Variants in TFRC observed in about 807,000 individuals in gnomAD.
The protein encoded by TFRC is transferrin receptor, also known as transferrin receptor protein 1.
In TFRC, 35 loss-of-function variants were observed where a neutral mutation model predicts 85.8. The ratio of observed to expected loss-of-function variants is 0.41; its 90% CI spans 0.31 to 0.54. The LOEUF (loss-of-function observed/expected upper bound fraction) is 0.54. Ranked by LOEUF, TFRC falls within the 20% of genes least tolerant of loss-of-function variation. The pLI, the probability that TFRC is intolerant of heterozygous loss-of-function variation, is 0.31. For missense variants in TFRC, 828 were observed against 921.5 expected (o/e 0.90, Z 1.31); for synonymous variants, 362 against 328.6 (o/e 1.10, Z -1.10).
At chr3:196,079,967 T>C (rs1399750629) in intron 1 of TFRC, among the ~76,000 whole-genome samples, 3 of 152,210 alleles carry the variant, frequency 2.0e-5, no homozygotes, top group Admixed American at 6.5e-5. Context: ...AACTACCTGA[T>C]AATGAGTAAA....
Position 196,069,436 on chromosome 3 carries a change from TATA to T in TFRC, c.801+16_801+18del. The stretch of plus-strand genomic sequence containing the variant: ...ATACCAAAAGTACTGTATTTAATAT[TATA>T]ATAACTCATACTCACCTTTTCTGCA... On this transcript the variant is annotated intron_variant, in intron 7 of 18. Transcript: ENST00000360110. The T allele has an allele frequency of 7.1e-7, 1 of 1,412,712 alleles. No homozygotes were observed. Among genetic ancestry groups the T allele is most frequent in the Non-Finnish European group, 9.9e-7 (1 of 1,005,328 alleles). 87.5% of individuals were successfully genotyped at this position (1,412,712 alleles called of 1,614,324 possible).
At chr3:196,066,591 G>A (rs527842157) in intron 9 of TFRC, among the ~76,000 whole-genome samples, 48 of 152,318 alleles carry the variant, frequency 3.2e-4, no homozygotes, top group African/African-American at 9.9e-4. Flanking sequence ...AAGATGGGAC[G>A]CTGGCTTCAC....
intron 17 of TFRC, among the ~76,000 whole-genome samples, chr3:196,054,066 G>A (rs572208832): frequency 6.6e-6 from 1 of 151,888 alleles, no homozygotes. Context: ...GTAAAACCCC[G>A]GCTCTACTAA....
rs1390241777 is a variant in TFRC, at chr3:196,077,115, A to C, written c.-16T>G. 1 of 1,612,488 alleles carries C rather than the reference A, an allele frequency of 6.2e-7. No homozygotes were observed. ...GATCCATCATTCTGAACTGCCACAC[A>C]GAAGAACCTAGGTATCAGAATAGAG... On this transcript the variant is annotated 5_prime_UTR_variant, in exon 2 of 19. Transcript: ENST00000360110.
At chr3:196,066,491 T>A (rs1184620702) in intron 9 of TFRC, among the ~76,000 whole-genome samples, 1 of 152,170 alleles carries the variant, frequency 6.6e-6, no homozygotes, top group Non-Finnish European at 1.5e-5. Flanking sequence ...ATCTAATTCC[T>A]CTGTGTTACC....
Position 196,082,050 on chromosome 3 carries a change from C to G in TFRC, c.-31G>C, listed in dbSNP as rs762809398. On this transcript the variant is annotated 5_prime_UTR_variant, in exon 1 of 19. Transcript: ENST00000360110. ...CTAGAAGCCCGCACTCACACTAGCGCGTCCTCCGTCCCGAGCCGCCACCCG... is the reference window on the plus strand; with the variant it reads ...CTAGAAGCCCGCACTCACACTAGCGGGTCCTCCGTCCCGAGCCGCCACCCG... 6.5e-6 allele frequency: 1 copy of G among 153,080 alleles called. No homozygotes were observed. The highest frequency in any genetic ancestry group is 2.4e-5 in the African/African-American group (1 of 41,596). 9.5% of individuals were successfully genotyped at this position (153,080 alleles called of 1,614,324 possible).
At chr3:196,073,838 A>G in intron 4 of TFRC, 92 bp downstream of exon 4, 3 of 1,332,288 alleles carry the variant, frequency 2.3e-6, no homozygotes, top group East Asian at 4.9e-5. Context: ...CTAACAAGCC[A>G]TTCCCCACAG....
At chr3:196,067,295 T>A (rs1186856700) in intron 9 of TFRC, among the ~76,000 whole-genome samples, 2 of 152,272 alleles carry the variant, frequency 1.3e-5, no homozygotes, top group East Asian at 1.9e-4. Context: ...ACTGGGTTTA[T>A]AAGTCTCCTT....
intron 2 of TFRC, 75 bp from the exon 3 acceptor site, chr3:196,075,435 G>A: frequency 7.1e-7 from 1 of 1,400,440 alleles, no homozygotes; most frequent in Non-Finnish European, 1.0e-6. Context: ...GTATATGCTT[G>A]TTATTGGGCC....
At position 196,069,477 on chromosome 3, in the gene TFRC, C is replaced by T; in HGVS notation, c.779G>A (p.Gly260Glu). The change falls in exon 7 of 19, where the codon GGG becomes GAG. Residue 260 changes from glycine (G) to glutamate (E), a missense_variant. Physicochemically the swap from Gly to Glu is moderately conservative, Grantham distance 98 (BLOSUM62 -2). Coordinates refer to ENST00000360110, the MANE Select transcript of TFRC (RefSeq NM_001128148.3). ...CACCTTTTCTGCAAAGGTGATTTTCCCTGCTCTGACAATCACTATAGATCC... is the reference window on the plus strand; with the variant it reads ...CACCTTTTCTGCAAAGGTGATTTTCTCTGCTCTGACAATCACTATAGATCC... ...VNGSIVIVRA[G>E]KITFAEKVAN... 1 of 1,611,092 alleles carries T rather than the reference C, an allele frequency of 6.2e-7. No individual in the cohort carries two copies. Among genetic ancestry groups the T allele is most frequent in the Non-Finnish European group, 8.5e-7 (1 of 1,178,012 alleles).
chr3:196,072,052 T>C lies in TFRC; in HGVS notation c.535A>G (p.Ser179Gly), dbSNP rs1718256362. The C allele has an allele frequency of 6.2e-7, 1 of 1,614,110 alleles. No individual in the cohort carries two copies. The highest frequency in any genetic ancestry group is 1.7e-5 in the Admixed American group (1 of 59,998). The change falls in exon 5 of 19, where the codon AGC becomes GGC. Residue 179 changes from serine to glycine, a missense_variant. Coordinates refer to ENST00000360110, the MANE Select transcript of TFRC (RefSeq NM_001128148.3). ...AAATGTTGATCACGCCAGACTTTGCTGAGTTTAAATTCACGAAATTGATTT... is the reference window on the plus strand; with the variant it reads ...AAATGTTGATCACGCCAGACTTTGCCGAGTTTAAATTCACGAAATTGATTT... ...VENQFREFKL[S>G]KVWRDQHFVK...
rs867056583 is a variant in TFRC at position 196,075,418 on chromosome 3, C to A, written c.37-58G>T. The A allele has an allele frequency of 2.6e-6, 4 of 1,552,350 alleles. No individual in the cohort carries two copies. The Admixed American group carries it at 6.7e-5, about 26-fold the overall frequency. ...GGCACGGGAATGTTTAGGAAAAGCT[C>A]GTTTAGGTATATGCTTGTTATTGGG... On this transcript the variant is annotated intron_variant, in intron 2 of 18. Transcript: ENST00000360110.
At chr3:196,064,232 G>A (rs916024090) in intron 11 of TFRC, 77 bp downstream of exon 11, 17 of 1,404,860 alleles carry the variant, frequency 1.2e-5, no homozygotes, top group Non-Finnish European at 1.5e-5. Flanking sequence ...TGCAGGCAAA[G>A]TGAGCAAAGC....
At chr3:196,074,393 G>A (rs1164784963) in intron 3 of TFRC, 5 of 274,256 alleles carry the variant, frequency 1.8e-5, no homozygotes, top group Admixed American at 5.2e-5. Context: ...CTGCTGCACC[G>A]CCAGTGTCCT....
chr3:196,068,218 G>T, intron 7 of TFRC, 88 bp from the exon 8 acceptor site: 1 of 824,162 alleles, frequency 1.2e-6, no homozygotes, highest in Non-Finnish European at 1.9e-6. Flanking sequence ...AAGGCCAAAT[G>T]GTTACAGAGG....
intron 10 of TFRC, 99 bp from the exon 11 acceptor site, chr3:196,064,527 G>A (rs1717555684): frequency 3.6e-6 from 4 of 1,117,580 alleles, no homozygotes; most frequent in Admixed American, 3.4e-5. Flanking sequence ...CACAGTATAT[G>A]TATTAAGGAT....
intron 10 of TFRC, among the ~76,000 whole-genome samples, 167 bp from the exon 11 acceptor site, chr3:196,064,595 A>G (rs1275969811): frequency 6.6e-6 from 1 of 152,246 alleles, no homozygotes; most frequent in East Asian, 1.9e-4. Flanking sequence ...TTCACATGAG[A>G]ATATTAATTT....
Position 196,071,397 on chromosome 3 carries a change from G to T in TFRC, c.686C>A (p.Thr229Asn), listed in dbSNP as rs1392319910. 2 of 1,613,334 alleles carry T rather than the reference G, an allele frequency of 1.2e-6. No homozygotes were observed. The highest frequency in any genetic ancestry group is 2.2e-5 in the East Asian group (1 of 44,866). Reference sequence around the variant, plus strand: ...CATGCACTGTTTTGCTTTACTTACAGTAACTGTTGCAGCCTTACTATACGC... The same window carrying T: ...CATGCACTGTTTTGCTTTACTTACATTAACTGTTGCAGCCTTACTATACGC... ...YVAYSKAATV[T>N]GKLVHANFGT... Residue 229 changes from threonine to asparagine, a missense_variant and splice_region_variant, in exon 6 of 19, where the codon ACT becomes AAT. Thr to Asn is a moderately conservative substitution (Grantham distance 65, BLOSUM62 0). Coordinates refer to ENST00000360110, the MANE Select transcript of TFRC (RefSeq NM_001128148.3).
chr3:196,072,114 C>T lies in TFRC; in HGVS notation c.473G>A (p.Gly158Glu). The part of the protein sequence containing the change: ...NENSYVPREA[G>E]SQKDENLALY... ...CGCAAGATTTTCATCTTTTTGAGAT[C>T]CAGCCTCACGAGGGACATATGAATT... is the stretch of plus-strand genomic sequence containing the variant. The change falls in exon 5 of 19, where the codon GGA becomes GAA. Residue 158 changes from glycine (G) to glutamate (E), a missense_variant. Physicochemically the swap from Gly to Glu is moderately conservative, Grantham distance 98. Transcript: ENST00000360110. The T allele has an allele frequency of 6.2e-7, 1 of 1,614,098 alleles. No homozygotes were observed. Among genetic ancestry groups the T allele is most frequent in the Non-Finnish European group, 8.5e-7 (1 of 1,180,020 alleles).
Sources: gnomAD v4.1 joint callset for allele counts (sites outside exome capture counted in the v4.1 genomes callset) on GRCh38, gnomAD v4.1.1 for gene constraint, MANE v1.5 for transcripts, NCBI Gene and HGNC (gene_info 2026-07-23, HGNC 2026-07-21) for gene names.